The following CNTN5 variants were observed in gnomAD, a reference collection of about 807,000 sequenced individuals.
CNTN5 encodes the protein contactin 5.
In CNTN5, 77 loss-of-function variants were observed where a neutral mutation model predicts 129.1. The ratio of observed to expected loss-of-function variants is 0.60; its 90% CI spans 0.50 to 0.72. The LOEUF (loss-of-function observed/expected upper bound fraction) is 0.72. Among genes scored for constraint, CNTN5 ranks in the 30% least tolerant of loss-of-function variants. The pLI, the probability that CNTN5 is intolerant of heterozygous loss-of-function variation, is 0.00. For synonymous variants in CNTN5, 509 were observed against 465.6 expected (o/e 1.09, Z -1.20); for missense variants, 1,478 against 1,328.8 (o/e 1.11, Z -1.75).
intron 1 of CNTN5, among the ~76,000 whole-genome samples, chr11:99,216,903 G>A (rs549079551): frequency 1.9e-4 from 29 of 152,046 alleles, no homozygotes; most frequent in Admixed American, 5.9e-4. Flanking sequence ...TAAAGTATAC[G>A]GCCAGGCGCG....
chr11:100,353,520 TA>T (rs760033196), intron 24 of CNTN5, among the ~76,000 whole-genome samples: 7 of 151,636 alleles, frequency 4.6e-5, no homozygotes, highest in Non-Finnish European at 7.4e-5. Context: ...GATATTTTTA[TA>T]AAAGTGTCAG....
chr11:99,153,364 G>A (rs1860167402), intron 1 of CNTN5, among the ~76,000 whole-genome samples: 2 of 151,908 alleles, frequency 1.3e-5, no homozygotes, highest in African/African-American at 2.4e-5. Context: ...GTCAGATGGA[G>A]TTATTTTAGA....
intron 1 of CNTN5, among the ~76,000 whole-genome samples, chr11:99,320,902 C>T (rs528937200): frequency 1.3e-5 from 2 of 152,122 alleles, no homozygotes; most frequent in Non-Finnish European, 2.9e-5. Context: ...AAGTAGATGG[C>T]TCTCCCTAGT....
intron 13 of CNTN5, among the ~76,000 whole-genome samples, chr11:100,170,924 T>C (rs1947807543): frequency 6.6e-6 from 1 of 151,500 alleles, no homozygotes; most frequent in African/African-American, 2.4e-5. Flanking sequence ...TATGGGTAAA[T>C]AGGTGAAATG....
At chr11:100,006,921 T>C (rs755750332) in intron 9 of CNTN5, among the ~76,000 whole-genome samples, 9 of 152,154 alleles carry the variant, frequency 5.9e-5, no homozygotes, top group Non-Finnish European at 1.2e-4. Flanking sequence ...AATTACTCCT[T>C]GATCCATGGG....
chr11:99,051,489 A>G (rs1281519555), intron 1 of CNTN5, among the ~76,000 whole-genome samples: 1 of 151,976 alleles, frequency 6.6e-6, no homozygotes. Context: ...TTCATTTTAC[A>G]TGACAAAAAT....
intron 9 of CNTN5, among the ~76,000 whole-genome samples, chr11:100,050,494 A>G (rs1942898543): frequency 1.3e-5 from 2 of 151,802 alleles, no homozygotes; most frequent in Admixed American, 1.3e-4. Flanking sequence ...GAGAGGGGGG[A>G]GGGATAGCTT....
chr11:99,061,405 C>T (rs947109347), intron 1 of CNTN5, among the ~76,000 whole-genome samples: 20 of 152,058 alleles, frequency 1.3e-4, no homozygotes, highest in East Asian at 1.9e-4. Context: ...AATCTGATTC[C>T]GCCCAACTGA....
At chr11:99,334,752 TTAA>T (rs1866149233) in intron 2 of CNTN5, among the ~76,000 whole-genome samples, 1 of 152,146 alleles carries the variant, frequency 6.6e-6, no homozygotes, top group African/African-American at 2.4e-5. Flanking sequence ...AAATATTTTA[TTAA>T]TAATTATCAT....
At chr11:99,583,857 A>T (rs932337367) in intron 3 of CNTN5, among the ~76,000 whole-genome samples, 1 of 152,092 alleles carries the variant, frequency 6.6e-6, no homozygotes, top group African/African-American at 2.4e-5. Flanking sequence ...TGCACTCCCC[A>T]GTGAGATGAA....
At chr11:99,409,868 G>A (rs1259682919) in intron 2 of CNTN5, among the ~76,000 whole-genome samples, 2 of 151,136 alleles carry the variant, frequency 1.3e-5, no homozygotes, top group South Asian at 4.2e-4. Flanking sequence ...GTGATATTGG[G>A]AAAGGAAAGC....
At chr11:100,209,038 G>C (rs145755970) in intron 15 of CNTN5, among the ~76,000 whole-genome samples, 41 of 152,240 alleles carry the variant, frequency 2.7e-4, no homozygotes, top group South Asian at 1.7e-3. Flanking sequence ...GTGCACGCAC[G>C]CAATGCAATT....
chr11:99,799,781 C>G (rs1232872521), intron 3 of CNTN5, among the ~76,000 whole-genome samples: 1 of 151,890 alleles, frequency 6.6e-6, no homozygotes, highest in Non-Finnish European at 1.5e-5. Flanking sequence ...AGGGAGAAGC[C>G]CCTCCTCTTG....
intron 1 of CNTN5, among the ~76,000 whole-genome samples, chr11:99,170,100 T>G (rs1483933117): frequency 1.3e-5 from 2 of 152,310 alleles, no homozygotes; most frequent in East Asian, 1.9e-4. Flanking sequence ...TTGTTTATTT[T>G]GCATGTTATT....
At chr11:99,366,869 A>G (rs1939477211) in intron 2 of CNTN5, among the ~76,000 whole-genome samples, 1 of 152,126 alleles carries the variant, frequency 6.6e-6, no homozygotes, top group African/African-American at 2.4e-5. Context: ...AAAAGGGGAA[A>G]TTGTTTCTGA....
chr11:99,871,934 T>A (rs367999792), intron 6 of CNTN5, among the ~76,000 whole-genome samples: 1 of 151,310 alleles, frequency 6.6e-6, no homozygotes, highest in Non-Finnish European at 1.5e-5. Flanking sequence ...TATATAAATA[T>A]AATATTGTAA....
Position 99,725,674 on chromosome 11 carries a change from G to A in CNTN5, c.56-93870G>A, listed in dbSNP as rs75955623. Among the ~76,000 whole-genome samples, 601 of 152,162 alleles carry A rather than the reference G, an allele frequency of 3.9e-3. 4 individuals are homozygous for A. Among genetic ancestry groups the A allele is most frequent in the African/African-American group, 0.014 (561 of 41,512 alleles). The stretch of plus-strand genomic sequence containing the variant: ...AAAAAAGATATTATTTTTATATTTC[G>A]TAAACATATGTATTCTTAGAACAGA... On this transcript the variant is annotated intron_variant, in intron 3 of 24. Transcript: ENST00000524871.
At chr11:100,049,892 C>T (rs1292650577) in intron 9 of CNTN5, among the ~76,000 whole-genome samples, 2 of 152,068 alleles carry the variant, frequency 1.3e-5, no homozygotes, top group Non-Finnish European at 2.9e-5. Flanking sequence ...CATCACTGGC[C>T]GTCAGAGAAA....
At chr11:100,209,419 A>G (rs965188776) in intron 15 of CNTN5, among the ~76,000 whole-genome samples, 2 of 152,236 alleles carry the variant, frequency 1.3e-5, no homozygotes, top group African/African-American at 4.8e-5. Flanking sequence ...AAGTTCAGCC[A>G]GACAAAGCAC....
Sources: gnomAD v4.1 joint callset for allele counts (sites outside exome capture counted in the v4.1 genomes callset) on GRCh38, gnomAD v4.1.1 for gene constraint, MANE v1.5 for transcripts, NCBI Gene and HGNC (gene_info 2026-07-23, HGNC 2026-07-21) for gene names.